Variants in PTPRQ observed in about 807,000 individuals in gnomAD.
PTPRQ encodes the protein protein tyrosine phosphatase receptor type Q, also known as phosphatidylinositol phosphatase PTPRQ.
PTPRQ carries 199 observed loss-of-function variants against 246.0 expected under a neutral mutation model. That is an observed-to-expected ratio of 0.81 (90% CI 0.72 to 0.91). PTPRQ has a LOEUF of 0.91. PTPRQ is among the 40% of genes least tolerant of loss of function. The pLI is 0.00. For missense variants in PTPRQ, 2,624 were observed against 2,528.4 expected (o/e 1.04, Z -0.81); for synonymous variants, 869 against 853.2 (o/e 1.02, Z -0.32).
intron 6 of PTPRQ, 130 bp from the exon 7 acceptor site, chr12:80,468,579 TA>T (rs958673543): frequency 8.0e-5 from 72 of 896,402 alleles, no homozygotes; most frequent in African/African-American, 1.4e-4. Context: ...TTTTTTAAGA[TA>T]AAAAAACTCT....
At chr12:80,501,615 G>A (rs140436350) in intron 14 of PTPRQ, among the ~76,000 whole-genome samples, 111 of 152,104 alleles carry the variant, frequency 7.3e-4, no homozygotes, top group African/African-American at 2.6e-3. Flanking sequence ...ACAACAGGGG[G>A]AGACGTTAAG....
intron 6 of PTPRQ, among the ~76,000 whole-genome samples, chr12:80,467,406 G>C (rs1285437247): frequency 3.9e-5 from 6 of 152,102 alleles, no homozygotes; most frequent in African/African-American, 1.2e-4. Flanking sequence ...TACACTGTTG[G>C]TGGGACTGTA....
intron 39 of PTPRQ, among the ~76,000 whole-genome samples, chr12:80,660,424 A>G (rs1346342001): frequency 6.6e-6 from 1 of 151,978 alleles, no homozygotes; most frequent in Non-Finnish European, 1.5e-5. Context: ...GAAAGGCTGG[A>G]AGATTTTGAT....
chr12:80,539,639 T>C, intron 19 of PTPRQ, 137 bp from the exon 20 acceptor site: 1 of 669,422 alleles, frequency 1.5e-6, no homozygotes, highest in Non-Finnish European at 2.2e-6. Context: ...ATAAAAAATG[T>C]TCTATGTCGA....
Position 80,594,361 on chromosome 12 carries a change from A to T in PTPRQ, c.4609+5909A>T, listed in dbSNP as rs539142770. The stretch of plus-strand genomic sequence containing the variant: ...GTTCATTTGGTGGCAGTGCAGTATT[A>T]GGATGGGCTCCATCTTGCTGCCACT... On this transcript the variant is annotated intron_variant, in intron 26 of 44. Coordinates refer to ENST00000644991, the MANE Select transcript of PTPRQ (RefSeq NM_001145026.2). 4.6e-5 allele frequency among the ~76,000 whole-genome samples: 7 copies of T among 152,294 alleles called. No homozygotes were observed. In the East Asian group the frequency reaches 1.4e-3, roughly 29 times the overall value.
chr12:80,678,748 G>A (rs1440510869), intron 44 of PTPRQ, 23 bp downstream of exon 44: 2 of 1,535,708 alleles, frequency 1.3e-6, no homozygotes, highest in Non-Finnish European at 8.8e-7. Context: ...AACAGTATAT[G>A]CCCAGCTTAC....
intron 42 of PTPRQ, among the ~76,000 whole-genome samples, chr12:80,671,370 G>T (rs538946495): frequency 6.6e-6 from 1 of 152,158 alleles, no homozygotes; most frequent in South Asian, 2.1e-4. Context: ...GTCAATGATT[G>T]ATTTTATGCT....
At chr12:80,538,973 T>C (rs1359050781) in intron 19 of PTPRQ, among the ~76,000 whole-genome samples, 1 of 152,174 alleles carries the variant, frequency 6.6e-6, no homozygotes, top group African/African-American at 2.4e-5. Context: ...TTCATGTGGA[T>C]TGGAATGATT....
intron 17 of PTPRQ, among the ~76,000 whole-genome samples, chr12:80,514,593 T>C (rs951606251): frequency 9.0e-5 from 12 of 133,530 alleles, no homozygotes; most frequent in Non-Finnish European, 1.6e-4. Context: ...TTATATAATA[T>C]ATATAATATA....
chr12:80,600,641 C>G (rs957438671), intron 26 of PTPRQ, among the ~76,000 whole-genome samples: 1 of 151,708 alleles, frequency 6.6e-6, no homozygotes, highest in African/African-American at 2.4e-5. Flanking sequence ...AAGTATAGTC[C>G]CAACAGCATC....
chr12:80,595,148 G>A (rs1897927706), intron 26 of PTPRQ, among the ~76,000 whole-genome samples: 1 of 151,944 alleles, frequency 6.6e-6, no homozygotes, highest in Non-Finnish European at 1.5e-5. Context: ...TATCTCTTTT[G>A]AGAAACCTTT....
At chr12:80,604,131 G>A (rs1402333262) in intron 26 of PTPRQ, among the ~76,000 whole-genome samples, 1 of 151,312 alleles carries the variant, frequency 6.6e-6, no homozygotes, top group Non-Finnish European at 1.5e-5. Context: ...CGGATCTGTG[G>A]GATAGTACTT....
Position 80,679,183 on chromosome 12 carries a change from T to C in PTPRQ, c.*160T>C, listed in dbSNP as rs939413684. ...GATTGAACATTTTAAGACTAGTTCT[T>C]GAAAATAGCTAATACAGAATAATTA... is the stretch of plus-strand genomic sequence containing the variant. On this transcript the variant is annotated 3_prime_UTR_variant, in exon 45 of 45. Transcript: ENST00000644991. The C allele has an allele frequency of 9.7e-6, 7 of 725,148 alleles. No homozygotes were observed. The highest frequency in any genetic ancestry group is 1.8e-5 in the African/African-American group (1 of 55,386). 44.9% of individuals were successfully genotyped at this position (725,148 alleles called of 1,614,324 possible).
chr12:80,534,526 G>A (rs1373329326), intron 18 of PTPRQ, among the ~76,000 whole-genome samples: 1 of 151,942 alleles, frequency 6.6e-6, no homozygotes, highest in Non-Finnish European at 1.5e-5. Flanking sequence ...TGAATCATTT[G>A]TCTATGACTT....
chr12:80,593,483 G>T (rs1897869376), intron 26 of PTPRQ, among the ~76,000 whole-genome samples: 1 of 152,008 alleles, frequency 6.6e-6, no homozygotes, highest in African/African-American at 2.4e-5. Context: ...GAATAAATAA[G>T]GGAAACAATA....
intron 17 of PTPRQ, among the ~76,000 whole-genome samples, chr12:80,528,286 T>C (rs1423263946): frequency 6.6e-6 from 1 of 152,136 alleles, no homozygotes; most frequent in Admixed American, 6.6e-5. Context: ...ATAGCCCATT[T>C]TCTGAAGTAT....
intron 41 of PTPRQ, among the ~76,000 whole-genome samples, chr12:80,670,081 A>G (rs544193769): frequency 6.6e-6 from 1 of 152,266 alleles, no homozygotes; most frequent in South Asian, 2.1e-4. Flanking sequence ...TGAGTGCTAC[A>G]AAATGGCATA....
At chr12:80,592,802 G>T (rs1409625885) in intron 26 of PTPRQ, among the ~76,000 whole-genome samples, 4 of 152,114 alleles carry the variant, frequency 2.6e-5, no homozygotes, top group African/African-American at 9.7e-5. Context: ...TTGAGGTCAG[G>T]AATTTGAAAT....
chr12:80,592,982 G>C (rs1897851560), intron 26 of PTPRQ, among the ~76,000 whole-genome samples: 1 of 152,222 alleles, frequency 6.6e-6, no homozygotes, highest in African/African-American at 2.4e-5. Flanking sequence ...CTGCACTCTA[G>C]CCTGGGTTAC....
Sources: allele counts gnomAD v4.1 joint callset (sites outside exome capture counted in the v4.1 genomes callset), GRCh38; gene constraint gnomAD v4.1.1; transcripts MANE v1.5; gene names NCBI Gene and HGNC (gene_info 2026-07-23, HGNC 2026-07-21).